The following IQGAP2 variants were observed in gnomAD, a reference collection of about 807,000 sequenced individuals.
The protein encoded by IQGAP2 is ras GTPase-activating-like protein IQGAP2.
IQGAP2 carries 173 observed loss-of-function variants against 201.3 expected under a neutral mutation model. The observed-to-expected ratio is 0.86, with a 90% CI of 0.76 to 0.98. The LOEUF (loss-of-function observed/expected upper bound fraction) is 0.98, where lower values mean the gene tolerates loss of function less well. IQGAP2 is among the 50% of genes least tolerant of loss of function. The pLI is 0.00. For synonymous variants in IQGAP2, 675 were observed against 673.9 expected, an observed-to-expected ratio of 1.00 and a Z score of -0.03; for missense variants, 1,687 against 1,864.8, an observed-to-expected ratio of 0.90 and a Z score of 1.76.
intron 2 of IQGAP2, among the ~76,000 whole-genome samples, chr5:76,534,377 T>A (rs1030835693): frequency 1.2e-4 from 18 of 152,192 alleles, no homozygotes; most frequent in Non-Finnish European, 2.5e-4. Context: ...ACACCCAACA[T>A]CCTTTGACCG....
chr5:76,587,870 C>T (rs1746358488), intron 5 of IQGAP2, among the ~76,000 whole-genome samples: 1 of 150,708 alleles, frequency 6.6e-6, no homozygotes, highest in Non-Finnish European at 1.5e-5. Context: ...CGCTTGAACC[C>T]AGAAGGTGGA....
At position 76,570,761 on chromosome 5, in the gene IQGAP2, A is replaced by T. The variant is rs76217587; in HGVS notation, c.381+104A>T. 4,205 of 778,892 alleles carry T rather than the reference A, an allele frequency of 5.4e-3. 127 individuals are homozygous for T. In the African/African-American group the frequency reaches 0.063, roughly 12 times the overall value. The allele number at this position is 778,892 out of a possible 1,614,324, so 48.2% of individuals were successfully genotyped here. On this transcript the variant is annotated intron_variant, in intron 4 of 35. Coordinates refer to ENST00000274364, the MANE Select transcript of IQGAP2 (RefSeq NM_006633.5). The stretch of plus-strand genomic sequence containing the variant: ...TGGAGACTGGGTTATGTTAATGTAG[A>T]AATGAGAAATGTGAGGACTAAAAAA...
intron 12 of IQGAP2, chr5:76,608,890 A>G (rs924469344): frequency 4.9e-5 from 23 of 465,368 alleles, no homozygotes; most frequent in Non-Finnish European, 8.6e-5. Flanking sequence ...CATGAACTCT[A>G]AAAGAACGCC....
chr5:76,488,615 G>T (rs1265961959), intron 2 of IQGAP2, among the ~76,000 whole-genome samples: 2 of 152,128 alleles, frequency 1.3e-5, no homozygotes, highest in Admixed American at 6.5e-5. Flanking sequence ...TCTTTTGAGG[G>T]TTCATCTTGT....
chr5:76,626,791 A>G (rs1337093201), intron 13 of IQGAP2, among the ~76,000 whole-genome samples: 1 of 152,182 alleles, frequency 6.6e-6, no homozygotes, highest in African/African-American at 2.4e-5. Flanking sequence ...TGACTAGGGT[A>G]GCCCGGGAAG....
At chr5:76,558,970 G>T (rs181863515) in intron 2 of IQGAP2, among the ~76,000 whole-genome samples, 79 of 152,014 alleles carry the variant, frequency 5.2e-4, no homozygotes, top group African/African-American at 1.7e-3. Flanking sequence ...GCGCGATCTC[G>T]GCTCACTGCA....
chr5:76,644,134 C>G (rs560927650), intron 17 of IQGAP2, among the ~76,000 whole-genome samples: 12 of 152,030 alleles, frequency 7.9e-5, no homozygotes, highest in Middle Eastern at 3.4e-3. Flanking sequence ...GAGCAATGAC[C>G]TCTGAGGTCT....
chr5:76,631,553 T>A (rs1482772501), intron 14 of IQGAP2, among the ~76,000 whole-genome samples: 1 of 152,186 alleles, frequency 6.6e-6, no homozygotes, highest in Non-Finnish European at 1.5e-5. Flanking sequence ...CATATCTATG[T>A]TCGTGTGTAT....
At chr5:76,532,223 G>A (rs114009523) in intron 2 of IQGAP2, among the ~76,000 whole-genome samples, 2,312 of 152,272 alleles carry the variant, frequency 0.015, 32 homozygotes, top group Non-Finnish European at 0.022. Flanking sequence ...GAAACCATAT[G>A]AGACCAGGCA....
chr5:76,702,307 G>A (rs766085230), intron 34 of IQGAP2, among the ~76,000 whole-genome samples, 175 bp from the exon 35 acceptor site: 8 of 152,172 alleles, frequency 5.3e-5, no homozygotes, highest in Admixed American at 3.9e-4. Flanking sequence ...ATCAAACCTA[G>A]TGTTTGGAGA....
At chr5:76,705,900 A>G (rs1021940992) in intron 35 of IQGAP2, among the ~76,000 whole-genome samples, 3 of 152,250 alleles carry the variant, frequency 2.0e-5, no homozygotes, top group Non-Finnish European at 4.4e-5. Flanking sequence ...ATGAAATGTT[A>G]CAGCTTAGTT....
intron 11 of IQGAP2, among the ~76,000 whole-genome samples, chr5:76,603,374 C>T (rs970470637): frequency 6.6e-6 from 1 of 152,006 alleles, no homozygotes; most frequent in Admixed American, 6.5e-5. Flanking sequence ...TGCCTTGGAA[C>T]CAAAAATATC....
chr5:76,550,560 G>T (rs919413623), intron 2 of IQGAP2, among the ~76,000 whole-genome samples: 1 of 152,004 alleles, frequency 6.6e-6, no homozygotes, highest in Non-Finnish European at 1.5e-5. Context: ...TGACTCTTAA[G>T]GAGCATGCTG....
At chr5:76,676,572 G>A (rs915630407) in intron 27 of IQGAP2, among the ~76,000 whole-genome samples, 9 of 152,228 alleles carry the variant, frequency 5.9e-5, no homozygotes, top group African/African-American at 2.2e-4. Flanking sequence ...TGTGATCACA[G>A]CATGCCTCAC....
intron 2 of IQGAP2, among the ~76,000 whole-genome samples, chr5:76,541,599 C>T (rs1180526346): frequency 6.6e-6 from 1 of 152,208 alleles, no homozygotes; most frequent in East Asian, 1.9e-4. Flanking sequence ...TGAGGAGCCA[C>T]CAAACTGTTT....
intron 2 of IQGAP2, among the ~76,000 whole-genome samples, chr5:76,501,577 C>T (rs1195377296): frequency 2.6e-5 from 4 of 151,138 alleles, no homozygotes; most frequent in Non-Finnish European, 4.4e-5. Context: ...CCCCATACCA[C>T]TATGAAGTGA....
chr5:76,527,001 A>G (rs75837800), intron 2 of IQGAP2, among the ~76,000 whole-genome samples: 1,658 of 152,282 alleles, frequency 0.011, 22 homozygotes, highest in African/African-American at 0.038. Flanking sequence ...AAGGCAGGAT[A>G]CTGAGTGTTT....
intron 20 of IQGAP2, among the ~76,000 whole-genome samples, chr5:76,656,907 A>C (rs1742791759): frequency 1.3e-5 from 2 of 152,118 alleles, no homozygotes; most frequent in South Asian, 4.1e-4. Context: ...AAAAAAAAAA[A>C]TAACTTTTCT....
At chr5:76,647,823 CCACA>C (rs374577768) in intron 17 of IQGAP2, among the ~76,000 whole-genome samples, 5 of 62,574 alleles carry the variant, frequency 8.0e-5, no homozygotes, top group African/African-American at 1.8e-4. Flanking sequence ...TAGCCAAACA[CCACA>C]CACACACACA....
Sources: gnomAD v4.1 joint callset for allele counts (sites outside exome capture counted in the v4.1 genomes callset) on GRCh38, gnomAD v4.1.1 for gene constraint, MANE v1.5 for transcripts, NCBI Gene and HGNC (gene_info 2026-07-23, HGNC 2026-07-21) for gene names.